The following WWP2 variants were observed in gnomAD, a reference collection of about 807,000 sequenced individuals.
The protein encoded by WWP2 is WW domain containing E3 ubiquitin protein ligase 2, also known as NEDD4-like E3 ubiquitin-protein ligase WWP2.
In WWP2, 57 loss-of-function variants were observed where a neutral mutation model predicts 121.0. The observed-to-expected ratio is 0.47, with a 90% confidence interval of 0.38 to 0.59. The LOEUF is 0.59. Among genes scored for constraint, WWP2 ranks in the 20% least tolerant of loss-of-function variants. The probability of loss-of-function intolerance (pLI) is 0.00; values close to 1 mark genes in which losing one functional copy is unlikely to be tolerated. For missense variants in WWP2, 962 were observed against 1,158.9 expected, an observed-to-expected ratio of 0.83 and a Z score of 2.47; for synonymous variants, 449 against 441.3, an observed-to-expected ratio of 1.02 and a Z score of -0.22.
intron 8 of WWP2, among the ~76,000 whole-genome samples, chr16:69,906,526 T>C (rs893032064): frequency 6.6e-6 from 1 of 152,338 alleles, no homozygotes; most frequent in South Asian, 2.1e-4. Flanking sequence ...ACTTTTTTCT[T>C]CATATACAGT....
Position 69,908,752 on chromosome 16 carries a change from A to G in WWP2, c.915-9A>G. 6.2e-7 allele frequency: 1 copy of G among 1,613,796 alleles called. No individual in the cohort carries two copies. Among genetic ancestry groups the G allele is most frequent in the Non-Finnish European group, 8.5e-7 (1 of 1,179,892 alleles). ...TGTGTCTCATGCTACCCTTGACTTT[A>G]TTTTTCAGATGGGAACAGCGAGAGC... On this transcript the variant is annotated splice_polypyrimidine_tract_variant and intron_variant, in intron 8 of 23. Transcript: ENST00000359154.
chr16:69,893,339 A>G (rs888412375), intron 8 of WWP2, among the ~76,000 whole-genome samples: 1 of 152,186 alleles, frequency 6.6e-6, no homozygotes, highest in African/African-American at 2.4e-5. Context: ...CATGTTTGCA[A>G]TGAATGGATG....
chr16:69,939,180 A>C, intron 22 of WWP2, 57 bp downstream of exon 22: 1 of 1,564,278 alleles, frequency 6.4e-7, no homozygotes, highest in Non-Finnish European at 8.7e-7. Flanking sequence ...GCTCAGAGGG[A>C]GGGGGAAACC....
rs1045522106 is a variant in WWP2 at position 69,897,303 on chromosome 16, G to A, written c.914+9054G>A. Among the ~76,000 whole-genome samples the A allele has an allele frequency of 3.9e-5, 6 of 151,938 alleles. No individual in the cohort carries two copies. In the East Asian group the frequency reaches 5.8e-4, roughly 15 times the overall value. ...TTTTTTGTAGAGATGGGGTTTTGCC[G>A]TGTTGCTCAGGCTGGTCTTGAACTC... On this transcript the variant is annotated intron_variant, in intron 8 of 23. Transcript: ENST00000359154.
chr16:69,937,343 C>T lies in WWP2; in HGVS notation c.2238+105C>T. The T allele has an allele frequency of 6.5e-7, 1 of 1,536,452 alleles. No homozygotes were observed. The highest frequency in any genetic ancestry group is 1.3e-5 in the South Asian group (1 of 79,810). On this transcript the variant is annotated intron_variant, in intron 20 of 23. Transcript: ENST00000359154. The surrounding 1 kb of genome is among the most constrained non-coding windows in gnomAD (Gnocchi z 6.6). ...ACAGACACTCAGCGTAAAACTCCCA[C>T]TTCGGCAGGGCAGATGGGTTTGATT...
intron 4 of WWP2, among the ~76,000 whole-genome samples, chr16:69,829,163 G>T (rs1030402702): frequency 6.6e-6 from 1 of 152,072 alleles, no homozygotes; most frequent in Admixed American, 6.5e-5. Context: ...ACTTTTGCAA[G>T]TCTGCCCACT....
chr16:69,903,728 A>G (rs1337842945), intron 8 of WWP2, among the ~76,000 whole-genome samples: 5 of 151,090 alleles, frequency 3.3e-5, no homozygotes. Context: ...AGATTGCGCC[A>G]CTGCCCTCCA....
intron 2 of WWP2, among the ~76,000 whole-genome samples, chr16:69,789,525 G>A (rs575790917): frequency 6.6e-6 from 1 of 152,268 alleles, no homozygotes; most frequent in East Asian, 1.9e-4. Context: ...ACCGTGCCCA[G>A]CCTCCTATAG....
chr16:69,816,626 A>T (rs1303660528), intron 4 of WWP2, among the ~76,000 whole-genome samples: 1 of 152,050 alleles, frequency 6.6e-6, no homozygotes, highest in East Asian at 1.9e-4. Flanking sequence ...ATTACTAAAA[A>T]GGACAATATT....
chr16:69,841,407 G>T (rs2056975186), intron 5 of WWP2, among the ~76,000 whole-genome samples: 1 of 152,112 alleles, frequency 6.6e-6, no homozygotes, highest in South Asian at 2.1e-4. Flanking sequence ...GTGGGAGTGT[G>T]GGGTAAAGGG....
chr16:69,932,294 C>T (rs2058728595), intron 16 of WWP2, among the ~76,000 whole-genome samples: 1 of 152,244 alleles, frequency 6.6e-6, no homozygotes, highest in Non-Finnish European at 1.5e-5. Context: ...CGTGCCATTG[C>T]ACTCCATCCT....
chr16:69,872,070 C>A, intron 7 of WWP2, 139 bp downstream of exon 7: 1 of 1,325,324 alleles, frequency 7.5e-7, no homozygotes, highest in African/African-American at 1.5e-5. Flanking sequence ...GGATTTGAAT[C>A]CATCAGTCTT....
chr16:69,826,697 G>A (rs1318292737), intron 4 of WWP2, among the ~76,000 whole-genome samples: 3 of 147,144 alleles, frequency 2.0e-5, no homozygotes, highest in African/African-American at 5.0e-5. Context: ...GGCTAACATG[G>A]TGAAACCCTC....
At chr16:69,767,636 G>A (rs12925429) in intron 1 of WWP2, among the ~76,000 whole-genome samples, 48,172 of 152,114 alleles carry the variant, frequency 0.32, 9,373 homozygotes, top group Non-Finnish European at 0.43. Context: ...TCTGCAAAGA[G>A]GCAGGAGATG....
Position 69,875,341 on chromosome 16 carries a change from G to A in WWP2, c.703+3410G>A, listed in dbSNP as rs372632217. ...GTGGAAATCTCTTCACTGGTGGAAG[G>A]TCTCTCCTCGATGTTGATGGCTGCT... is the stretch of plus-strand genomic sequence containing the variant. On this transcript the variant is annotated intron_variant, in intron 7 of 23. Transcript: ENST00000359154. Among the ~76,000 whole-genome samples, 15 of 152,318 alleles carry A rather than the reference G, an allele frequency of 9.8e-5. 2 individuals are homozygous for A. The highest frequency in any genetic ancestry group is 3.9e-4 in the East Asian group (2 of 5,186).
At chr16:69,834,025 C>T (rs907682415) in intron 4 of WWP2, among the ~76,000 whole-genome samples, 8 of 152,240 alleles carry the variant, frequency 5.3e-5, no homozygotes, top group African/African-American at 1.9e-4. Context: ...TGGATTACCA[C>T]AGTGACCTCC....
chr16:69,772,801 C>T (rs755536335), intron 1 of WWP2, among the ~76,000 whole-genome samples: 6 of 151,992 alleles, frequency 3.9e-5, no homozygotes, highest in Non-Finnish European at 7.4e-5. Flanking sequence ...TCCCTCCTGC[C>T]TCACCACCAG....
At chr16:69,930,371 T>C (rs2058694823) in intron 13 of WWP2, 113 bp downstream of exon 13, 1 of 1,491,202 alleles carries the variant, frequency 6.7e-7, no homozygotes, top group Non-Finnish European at 9.0e-7. Flanking sequence ...CTACTGCCCT[T>C]ACTGCCCTCT....
chr16:69,813,644 T>G (rs560880609), intron 4 of WWP2, among the ~76,000 whole-genome samples: 17 of 152,248 alleles, frequency 1.1e-4, no homozygotes, highest in African/African-American at 4.1e-4. Flanking sequence ...ATTTTTTGTA[T>G]TTTTGTAGAG....
Sources: gnomAD v4.1 joint callset for allele counts (sites outside exome capture counted in the v4.1 genomes callset) on GRCh38, gnomAD v4.1.1 for gene constraint, Gnocchi (gnomAD v3.1) non-coding constraint, MANE v1.5 for transcripts, NCBI Gene and HGNC (gene_info 2026-07-23, HGNC 2026-07-21) for gene names.